Variants in SPATA13 observed in about 807,000 individuals in gnomAD.
SPATA13 encodes spermatogenesis-associated protein 13.
A neutral mutation model predicts 104.0 loss-of-function variants in SPATA13; 50 were observed. The observed-to-expected ratio is 0.48, with a 90% CI of 0.38 to 0.61. The LOEUF is 0.61. SPATA13 is among the 20% of genes least tolerant of loss of function. The pLI, the probability that SPATA13 is intolerant of heterozygous loss-of-function variation, is 0.00. For missense variants in SPATA13, 1,524 were observed against 1,690.6 expected, an observed-to-expected ratio of 0.90 and a Z score of 1.73; for synonymous variants, 606 against 667.5, an observed-to-expected ratio of 0.91 and a Z score of 1.42.
At chr13:23,988,997 C>T (rs919362343) in intron 2 of SPATA13, among the ~76,000 whole-genome samples, 1 of 152,026 alleles carries the variant, frequency 6.6e-6, no homozygotes, top group African/African-American at 2.4e-5. Flanking sequence ...AATACTGGCT[C>T]GGTGACAGTA....
At chr13:24,097,565 T>C (rs1307699267) in intron 3 of SPATA13, among the ~76,000 whole-genome samples, 1 of 151,648 alleles carries the variant, frequency 6.6e-6, no homozygotes, top group Non-Finnish European at 1.5e-5. Context: ...ACATGAAAAC[T>C]GATAAAGCAA....
chr13:24,135,697 C>CA (rs34145507), intron 3 of SPATA13, among the ~76,000 whole-genome samples: 1,205 of 82,128 alleles, frequency 0.015, 28 homozygotes, highest in African/African-American at 0.047. Flanking sequence ...GAATCCGTCT[C>CA]AAAAAAAAAA....
At chr13:24,211,878 A>G (rs771918065) in intron 1 of SPATA13, among the ~76,000 whole-genome samples, 5 of 152,082 alleles carry the variant, frequency 3.3e-5, no homozygotes, top group African/African-American at 7.2e-5. Flanking sequence ...CTGCACCCCA[A>G]CATCCGTCCT....
chr13:24,305,473 GTTT>G lies in SPATA13; in HGVS notation c.*2702_*2704del, dbSNP rs1163874582. The stretch of plus-strand genomic sequence containing the variant: ...TTGAAAATCTGCATGTCTGGCTTGG[GTTT>G]TATTACCACATGCCTGAGTTCTTCA... On this transcript the variant is annotated 3_prime_UTR_variant, in exon 13 of 13. Transcript: ENST00000382108. 2.0e-5 allele frequency: 3 copies of G among 152,190 alleles called. No homozygotes were observed. The highest frequency in any genetic ancestry group is 2.1e-4 in the South Asian group (1 of 4,828). The allele number at this position is 152,190 out of a possible 1,614,324, so 9.4% of individuals were successfully genotyped here. A position where few individuals can be genotyped will look rare whatever the true frequency, so the allele number is the denominator to read the frequency against.
chr13:24,027,485 T>C (rs140251134), intron 3 of SPATA13, among the ~76,000 whole-genome samples: 4 of 152,270 alleles, frequency 2.6e-5, no homozygotes, highest in Admixed American at 2.6e-4. Context: ...TTATTAATAT[T>C]TCCAAAGAAT....
chr13:24,164,636 A>T (rs138255231), intron 1 of SPATA13, among the ~76,000 whole-genome samples: 1 of 152,150 alleles, frequency 6.6e-6, no homozygotes, highest in African/African-American at 2.4e-5. Context: ...AATGAGATGG[A>T]GGTTCAGGGA....
chr13:24,143,626 G>C (rs1881834918), intron 3 of SPATA13, among the ~76,000 whole-genome samples: 1 of 152,140 alleles, frequency 6.6e-6, no homozygotes, highest in African/African-American at 2.4e-5. Context: ...TGCCAGTTAT[G>C]GAGAGAGATG....
chr13:23,998,401 T>C (rs1270248175), intron 2 of SPATA13, among the ~76,000 whole-genome samples: 2 of 152,250 alleles, frequency 1.3e-5, no homozygotes, highest in Non-Finnish European at 2.9e-5. Context: ...CCAAATCTTT[T>C]GTCCATTTTT....
intron 1 of SPATA13, among the ~76,000 whole-genome samples, chr13:24,181,525 T>C (rs1408314621): frequency 6.6e-6 from 1 of 152,182 alleles, no homozygotes; most frequent in East Asian, 1.9e-4. Flanking sequence ...TAAGCTTTTT[T>C]GTTTTGTACT....
chr13:24,136,500 A>G (rs1881573282), intron 3 of SPATA13, among the ~76,000 whole-genome samples: 2 of 152,118 alleles, frequency 1.3e-5, no homozygotes, highest in African/African-American at 2.4e-5. Context: ...AGAAAGAAAG[A>G]AAGTGAGAGA....
chr13:24,089,031 A>T lies in SPATA13; in HGVS notation c.-112+71330A>T, dbSNP rs528229813. Among the ~76,000 whole-genome samples, 4 of 152,364 alleles carry T rather than the reference A, an allele frequency of 2.6e-5. No individual in the cohort carries two copies. The East Asian group carries it at 7.7e-4, about 29-fold the overall frequency. On this transcript the variant is annotated intron_variant, in intron 3 of 14. Transcript: ENST00000424834. ...GCTGATGAGGATGGGACACGTTCAC[A>T]GGTGGCTTTGAAAAGTATCTCAAGA... is the stretch of plus-strand genomic sequence containing the variant.
intron 3 of SPATA13, among the ~76,000 whole-genome samples, chr13:24,106,631 A>G (rs530263333): frequency 6.6e-6 from 1 of 152,264 alleles, no homozygotes; most frequent in Admixed American, 6.5e-5. Context: ...CAATTCGGTG[A>G]TTGTTTGTTT....
intron 4 of SPATA13, 83 bp from the exon 5 acceptor site, chr13:24,284,052 G>T: frequency 6.9e-7 from 1 of 1,445,556 alleles, no homozygotes; most frequent in Non-Finnish European, 9.5e-7. Flanking sequence ...TCCCTTGGGA[G>T]TATGTTACCA....
intron 2 of SPATA13, among the ~76,000 whole-genome samples, chr13:24,015,073 A>T (rs1876649470): frequency 6.6e-6 from 1 of 151,540 alleles, no homozygotes; most frequent in African/African-American, 2.4e-5. Context: ...TTGTGTTTTT[A>T]GTAGATAACA....
rs80050990 is a variant in SPATA13 at position 24,065,283 on chromosome 13, C to T, written c.-112+47582C>T. ...GTGATTCTTAAACTTCCCCCATGTG[C>T]TGAGCTTCAGAGTGGGGGTTTTGAT... On this transcript the variant is annotated intron_variant, in intron 3 of 14. Transcript: ENST00000424834. Among the ~76,000 whole-genome samples, 432 of 152,102 alleles carry T rather than the reference C, an allele frequency of 2.8e-3. 14 individuals carry two copies. In the East Asian group the frequency reaches 0.062, roughly 22 times the overall value.
intron 2 of SPATA13, among the ~76,000 whole-genome samples, chr13:24,012,589 G>A (rs372818854): frequency 9.2e-5 from 14 of 152,322 alleles, no homozygotes; most frequent in African/African-American, 3.4e-4. Context: ...CCCTCTCAGG[G>A]GCTCCCCTGG....
At chr13:24,105,338 C>T (rs1340836550) in intron 3 of SPATA13, among the ~76,000 whole-genome samples, 1 of 151,732 alleles carries the variant, frequency 6.6e-6, no homozygotes, top group Non-Finnish European at 1.5e-5. Flanking sequence ...GGGGATCTGC[C>T]GTGTTGTCCA....
At chr13:24,163,286 A>C (rs4770614) in intron 1 of SPATA13, among the ~76,000 whole-genome samples, 134,418 of 152,182 alleles carry the variant, frequency 0.88, 60,652 homozygotes, top group East Asian at 0.99. Flanking sequence ...CCTGTAGTCC[A>C]AGGTGCTCAG....
chr13:24,003,001 G>A (rs1876051864), intron 2 of SPATA13, among the ~76,000 whole-genome samples: 1 of 152,188 alleles, frequency 6.6e-6, no homozygotes, highest in Admixed American at 6.5e-5. Flanking sequence ...TTCTTCTTCT[G>A]TTAATTCTCC....
Sources: gnomAD v4.1 joint callset for allele counts (sites outside exome capture counted in the v4.1 genomes callset) on GRCh38, gnomAD v4.1.1 for gene constraint, MANE v1.5 for transcripts, NCBI Gene and HGNC (gene_info 2026-07-23, HGNC 2026-07-21) for gene names.